SYCP3: variants seen among roughly 807,000 people sequenced by gnomAD.
SYCP3 encodes synaptonemal complex protein 3.
A neutral mutation model predicts 38.5 loss-of-function variants in SYCP3; 29 were observed. The observed-to-expected ratio is 0.75, with a 90% confidence interval of 0.56 to 1.03. The LOEUF (loss-of-function observed/expected upper bound fraction) is 1.03. SYCP3 is among the 50% of genes least tolerant of loss of function. The pLI is 0.00. For synonymous variants in SYCP3, 79 were observed against 80.3 expected (o/e 0.98, Z 0.08); for missense variants, 242 against 270.7 (o/e 0.89, Z 0.74).
Position 101,728,887 on chromosome 12 carries a change from A to G in SYCP3, c.*40T>C. The G allele has an allele frequency of 6.2e-7, 1 of 1,612,920 alleles. No individual in the cohort carries two copies. Among genetic ancestry groups the G allele is most frequent in the Non-Finnish European group, 8.5e-7 (1 of 1,179,296 alleles). ...GCTTCTTAGCTAACGTTATAATTGTATCATATTACTTAGGTTCAAGTTCTT... is the reference window on the plus strand; with the variant it reads ...GCTTCTTAGCTAACGTTATAATTGTGTCATATTACTTAGGTTCAAGTTCTT... On this transcript the variant is annotated 3_prime_UTR_variant, in exon 9 of 9. Coordinates refer to ENST00000392924, the MANE Select transcript of SYCP3 (RefSeq NM_001177949.2).
At position 101,737,870 on chromosome 12, in the gene SYCP3, C is replaced by A; in HGVS notation, c.66G>T (p.Thr22=). The change falls in exon 2 of 9, where the codon ACG becomes ACT. Residue 22 remains threonine (T), a synonymous_variant. Transcript: ENST00000392924. ...CTTCAGTCTCAAAGTCATAGGCTCT[C>A]GTAAACTGATCTTCCACAGACGGCT... ...SGKPSVEDQF[T]RAYDFETEDK... is the part of the protein sequence containing the mutation. 4 of 1,614,192 alleles carry A rather than the reference C, an allele frequency of 2.5e-6. No individual in the cohort carries two copies. The highest frequency in any genetic ancestry group is 3.4e-6 in the Non-Finnish European group (4 of 1,180,030).
chr12:101,731,458 T>C (rs1952186342), intron 7 of SYCP3, 110 bp downstream of exon 7: 3 of 613,562 alleles, frequency 4.9e-6, no homozygotes, highest in African/African-American at 1.9e-5. Flanking sequence ...AATGGAAAAG[T>C]AGTTAAAGTC....
chr12:101,731,923 C>G (rs941063367), intron 6 of SYCP3: 49 of 327,272 alleles, frequency 1.5e-4, no homozygotes, highest in African/African-American at 8.7e-4. Context: ...TTTCAATGTC[C>G]ACACAGATGA....
intron 5 of SYCP3, 137 bp from the exon 6 acceptor site, chr12:101,733,811 A>G (rs371689809): frequency 1.4e-6 from 1 of 727,302 alleles, no homozygotes; most frequent in South Asian, 1.8e-5. Context: ...GGGAAACCAA[A>G]AAGTAAAATT....
At position 101,737,910 on chromosome 12, in the gene SYCP3, G is replaced by T. The variant is rs1405026974; in HGVS notation, c.26C>A (p.Ser9Tyr). The stretch of plus-strand genomic sequence containing the variant: ...CACAGACGGCTTCCCAGATTTCCTG[G>T]AATACTTTTTTCCGGAGGACACCAT... MVSSGKKYSRKSGKPSVED... is the reference protein window; with the variant it reads MVSSGKKYYRKSGKPSVED... Residue 9 changes from serine to tyrosine, a missense_variant, in exon 2 of 9, where the codon TCC becomes TAC. By Grantham distance (144) the Ser-to-Tyr change is moderately radical. Transcript: ENST00000392924. 8.1e-6 allele frequency: 13 copies of T among 1,613,964 alleles called. No individual in the cohort carries two copies. Among genetic ancestry groups the T allele is most frequent in the East Asian group, 2.2e-5 (1 of 44,896 alleles).
intron 7 of SYCP3, chr12:101,730,634 C>T (rs908827848): frequency 9.5e-6 from 3 of 316,352 alleles, no homozygotes; most frequent in Non-Finnish European, 1.8e-5. Flanking sequence ...GCTGGGACTA[C>T]AGGTGAGTGC....
intron 4 of SYCP3, among the ~76,000 whole-genome samples, chr12:101,736,205 GT>G (rs1303103232): frequency 6.6e-6 from 1 of 151,902 alleles, no homozygotes; most frequent in African/African-American, 2.4e-5. Context: ...TTCATAAAAT[GT>G]TTACTACTTC....
At chr12:101,730,372 T>A (rs1487819094) in intron 7 of SYCP3, 1 of 355,230 alleles carries the variant, frequency 2.8e-6, no homozygotes, top group Non-Finnish European at 5.3e-6. Context: ...TTAGAAGAAA[T>A]CTTTATCTAG....
In SYCP3 at chr12:101,737,035, A is replaced by G. The variant is rs752997293; in HGVS notation, c.235+2T>C. ...TAAATACAAGTATCTCCTAAAACCT[A>G]CCTCCAACTCCTTCCAGCATATTCT... On this transcript the variant is annotated splice_donor_variant, in intron 4 of 8. Transcript: ENST00000392924. LOFTEE classifies it high-confidence loss of function. 6.8e-6 allele frequency: 11 copies of G among 1,613,638 alleles called. No individual in the cohort carries two copies. The highest frequency in any genetic ancestry group is 8.5e-6 in the Non-Finnish European group (10 of 1,179,858).
intron 4 of SYCP3, 98 bp downstream of exon 4, chr12:101,736,939 A>G: frequency 8.8e-7 from 1 of 1,134,956 alleles, no homozygotes; most frequent in Non-Finnish European, 1.3e-6. Context: ...ACAAGGCATT[A>G]AATAACAGTC....
At position 101,731,620 on chromosome 12, in the gene SYCP3, A is replaced by T; in HGVS notation, c.500T>A (p.Val167Asp). ...AATTGTTTTCAATCTCTGGCTCTGA[A>T]CAATTCTAGATTGTTGAAGAATCTT... The part of the protein sequence containing the change: ...QQKILQQSRI[V>D]QSQRLKTIKQ... The change falls in exon 7 of 9, where the codon GTT becomes GAT. Residue 167 changes from valine to aspartate, a missense_variant. Val to Asp is a radical substitution (Grantham distance 152, BLOSUM62 -3). Transcript: ENST00000392924. 15 of 1,606,572 alleles carry T rather than the reference A, an allele frequency of 9.3e-6. No individual in the cohort carries two copies. Among genetic ancestry groups the T allele is most frequent in the Non-Finnish European group, 1.3e-5 (15 of 1,178,296 alleles).
chr12:101,735,871 A>ATATATTTTTTTTTTTTTTT, intron 4 of SYCP3, among the ~76,000 whole-genome samples: 12 of 74,790 alleles, frequency 1.6e-4, no homozygotes, highest in African/African-American at 3.1e-4. Flanking sequence ...ATATATATAT[A>ATATATTTTTTTTTTTTTTT]TTTTTTTTTT....
intron 4 of SYCP3, among the ~76,000 whole-genome samples, chr12:101,735,871 A>ATATATATTTTTTTTTTTTTT: frequency 2.0e-4 from 15 of 74,752 alleles, no homozygotes; most frequent in East Asian, 1.1e-3. Flanking sequence ...ATATATATAT[A>ATATATATTTTTTTTTTTTTT]TTTTTTTTTT....
intron 5 of SYCP3, 57 bp from the exon 6 acceptor site, chr12:101,733,731 A>C: frequency 1.3e-6 from 2 of 1,508,400 alleles, no homozygotes; most frequent in Non-Finnish European, 1.8e-6. Context: ...AAAAGAATTT[A>C]AAACAAAACT....
chr12:101,738,274 C>T (rs371097993), intron 1 of SYCP3, among the ~76,000 whole-genome samples: 1 of 136,350 alleles, frequency 7.3e-6, no homozygotes, highest in African/African-American at 2.6e-5. Context: ...AAAAAAAAAA[C>T]AAAATTAACC....
chr12:101,737,617 A>AT, intron 2 of SYCP3, 186 bp downstream of exon 2: 1 of 793,852 alleles, frequency 1.3e-6, no homozygotes, highest in Non-Finnish European at 2.0e-6. Flanking sequence ...ATACTGCAAT[A>AT]TAAGGATCAA....
chr12:101,728,765 CTATT>C lies in SYCP3; in HGVS notation c.*158_*161del. The C allele has an allele frequency of 1.0e-6, 1 of 959,198 alleles. No individual in the cohort carries two copies. Among genetic ancestry groups the C allele is most frequent in the East Asian group, 2.6e-5 (1 of 38,072 alleles). The allele number at this position is 959,198 out of a possible 1,614,324, so 59.4% of individuals were successfully genotyped here. ...GGAATAGTTGCTAACTAACTCATAA[CTATT>C]TAGATTTGACTTAACAGAAAGGGAG... On this transcript the variant is annotated 3_prime_UTR_variant, in exon 9 of 9. Transcript: ENST00000392924.
chr12:101,731,538 C>T lies in SYCP3; in HGVS notation c.552+30G>A, dbSNP rs374593457. Reference sequence around the variant, plus strand: ...TCCATAAATATATTATGTTTTATAACGATGTATTGTGTTACCACATACAAC... The same window carrying T: ...TCCATAAATATATTATGTTTTATAATGATGTATTGTGTTACCACATACAAC... On this transcript the variant is annotated intron_variant, in intron 7 of 8. Coordinates refer to ENST00000392924, the MANE Select transcript of SYCP3 (RefSeq NM_001177949.2). 8.3e-4 allele frequency: 1,153 copies of T among 1,385,098 alleles called. 1 individual carries two copies. Among genetic ancestry groups the T allele is most frequent in the Non-Finnish European group, 1.1e-3 (1,088 of 1,003,512 alleles). 85.8% of individuals were successfully genotyped at this position (1,385,098 alleles called of 1,614,324 possible).
At chr12:101,729,702 A>T (rs1174562321) in intron 7 of SYCP3, 1 of 154,036 alleles carries the variant, frequency 6.5e-6, no homozygotes, top group East Asian at 1.9e-4. Context: ...AAAGGTGTGT[A>T]TTAAGTGCTG....
Sources: allele counts gnomAD v4.1 joint callset (sites outside exome capture counted in the v4.1 genomes callset), GRCh38; gene constraint gnomAD v4.1.1; transcripts MANE v1.5; gene names NCBI Gene and HGNC (gene_info 2026-07-23, HGNC 2026-07-21).